The following AUH variants were observed in gnomAD, a reference collection of about 807,000 sequenced individuals.
AUH encodes methylglutaconyl-CoA hydratase, mitochondrial.
Under a neutral mutation model 42.3 loss-of-function variants are expected in AUH, and 29 were observed. The ratio of observed to expected loss-of-function variants is 0.69; its 90% CI spans 0.51 to 0.93. The LOEUF (loss-of-function observed/expected upper bound fraction) is 0.93. Among genes scored for constraint, AUH ranks in the 40% least tolerant of loss-of-function variants. AUH has a pLI of 0.00. For synonymous variants in AUH, 174 were observed against 166.4 expected, an observed-to-expected ratio of 1.05 and a Z score of -0.35; for missense variants, 452 against 438.1, an observed-to-expected ratio of 1.03 and a Z score of -0.28.
At chr9:91,352,482 T>C (rs10991897) in intron 3 of AUH, among the ~76,000 whole-genome samples, 10,693 of 152,120 alleles carry the variant, frequency 0.07, 664 homozygotes, top group East Asian at 0.26. Context: ...GTTCTCTCTG[T>C]ATACATTTTC....
intron 6 of AUH, among the ~76,000 whole-genome samples, chr9:91,249,184 C>G (rs12348996): frequency 6.7e-6 from 1 of 150,258 alleles, no homozygotes. Context: ...GTAGTCCCAG[C>G]TACTTGGGGG....
intron 6 of AUH, among the ~76,000 whole-genome samples, chr9:91,292,647 A>G (rs1271649375): frequency 6.6e-6 from 1 of 152,056 alleles, no homozygotes; most frequent in Non-Finnish European, 1.5e-5. Context: ...ACACACATTT[A>G]AATGCACGCA....
chr9:91,214,127 G>C lies in AUH; in HGVS notation c.*221C>G, dbSNP rs1826688974. ...TATATCTAACTTTGATTCTGTTTCT[G>C]ACTATACACTACTAGCTTTATAAAT... On this transcript the variant is annotated 3_prime_UTR_variant, in exon 10 of 10. Coordinates refer to ENST00000375731, the MANE Select transcript of AUH (RefSeq NM_001698.3). 2.0e-6 allele frequency: 1 copy of C among 497,952 alleles called. No individual in the cohort carries two copies. The highest frequency in any genetic ancestry group is 3.4e-5 in the Admixed American group (1 of 29,580). The allele number at this position is 497,952 out of a possible 1,614,324, so 30.8% of individuals were successfully genotyped here. A position where few individuals can be genotyped will look rare whatever the true frequency, so the allele number is the denominator to read the frequency against.
chr9:91,345,327 TA>T (rs1450821872), intron 3 of AUH, among the ~76,000 whole-genome samples: 1 of 151,986 alleles, frequency 6.6e-6, no homozygotes, highest in South Asian at 2.1e-4. Flanking sequence ...GTCCTAGAAG[TA>T]AAAAGTGCAT....
intron 3 of AUH, among the ~76,000 whole-genome samples, chr9:91,330,003 G>T (rs916036038): frequency 1.3e-5 from 2 of 152,038 alleles, no homozygotes; most frequent in African/African-American, 4.8e-5. Context: ...AGTGTGATAA[G>T]ACCAAAATAA....
In AUH at chr9:91,214,404, G is replaced by A. The variant is rs754656619; in HGVS notation, c.964C>T (p.Leu322Phe). 6.2e-7 allele frequency: 1 copy of A among 1,609,682 alleles called. No homozygotes were observed. The highest frequency in any genetic ancestry group is 1.7e-5 in the Admixed American group (1 of 59,764). ...YAQTIPTKDR[L>F]EGLLAFKEKR... ...TCTTTAAAAGCAAGAAGACCTTCAA[G>A]TCTGTCTTTTGTTGGAATGGTCTAA... is the stretch of plus-strand genomic sequence containing the variant. The change falls in exon 10 of 10, where the codon CTT becomes TTT. Residue 322 changes from leucine to phenylalanine, a missense_variant. Leu to Phe is a conservative substitution (Grantham distance 22). Transcript: ENST00000375731.
rs193091611 is a variant in AUH at position 91,269,247 on chromosome 9, G to T, written c.655+26774C>A. Among the ~76,000 whole-genome samples the T allele has an allele frequency of 4.3e-3, 657 of 152,024 alleles. 3 individuals carry two copies. Among genetic ancestry groups the T allele is most frequent in the Middle Eastern group, 0.014 (4 of 294 alleles). On this transcript the variant is annotated intron_variant, in intron 6 of 9. Transcript: ENST00000375731. Reference sequence around the variant, plus strand: ...GCCTGCCTCAGCCTCCCAAAGTGCTGGCATTATAGGCGTGAGCCACCACGC... The same window carrying T: ...GCCTGCCTCAGCCTCCCAAAGTGCTTGCATTATAGGCGTGAGCCACCACGC...
At chr9:91,325,427 A>T (rs749655192) in intron 3 of AUH, 23 bp from the exon 4 acceptor site, 83 of 1,603,016 alleles carry the variant, frequency 5.2e-5, no homozygotes, top group Non-Finnish European at 7.1e-5. Flanking sequence ...TTATTTACAA[A>T]TATAATCTAG....
intron 6 of AUH, among the ~76,000 whole-genome samples, chr9:91,250,706 C>G (rs1303997853): frequency 6.6e-6 from 1 of 152,186 alleles, no homozygotes; most frequent in African/African-American, 2.4e-5. Context: ...TGGAGTACAG[C>G]ACCCATCATT....
chr9:91,356,730 T>C (rs1340644716), intron 1 of AUH, among the ~76,000 whole-genome samples: 1 of 152,204 alleles, frequency 6.6e-6, no homozygotes, highest in Non-Finnish European at 1.5e-5. Context: ...GACCATCACC[T>C]AAACCCAGCC....
chr9:91,307,716 T>C (rs1483541501), intron 4 of AUH, among the ~76,000 whole-genome samples: 1 of 152,252 alleles, frequency 6.6e-6, no homozygotes, highest in Non-Finnish European at 1.5e-5. Context: ...AATATCTTAC[T>C]ATGCCTAATT....
chr9:91,314,967 A>G (rs1829035957), intron 4 of AUH, among the ~76,000 whole-genome samples: 1 of 152,204 alleles, frequency 6.6e-6, no homozygotes, highest in Non-Finnish European at 1.5e-5. Context: ...TCTGTCACCC[A>G]GACTGGAGTG....
chr9:91,341,144 C>T (rs1831070626), intron 3 of AUH, among the ~76,000 whole-genome samples: 1 of 152,184 alleles, frequency 6.6e-6, no homozygotes, highest in South Asian at 2.1e-4. Flanking sequence ...AGCTGAATTC[C>T]ACTCCCCTGG....
intron 6 of AUH, among the ~76,000 whole-genome samples, chr9:91,235,124 C>T (rs1473541950): frequency 6.6e-6 from 1 of 151,884 alleles, no homozygotes. Context: ...CACAAAGGCA[C>T]TGGAGGATTT....
chr9:91,296,200 A>T lies in AUH; in HGVS notation c.599-123T>A, dbSNP rs969268839. 1.1e-4 allele frequency: 99 copies of T among 910,914 alleles called. 3 individuals carry two copies. The highest frequency in any genetic ancestry group is 8.1e-4 in the Middle Eastern group (3 of 3,722). 56.4% of individuals were successfully genotyped at this position (910,914 alleles called of 1,614,324 possible). ...AATTAAATTGATATCACAAATTCTTAAAAAAAATCACTTAAAAGGCATTGT... is the reference window on the plus strand; with the variant it reads ...AATTAAATTGATATCACAAATTCTTTAAAAAAATCACTTAAAAGGCATTGT... On this transcript the variant is annotated intron_variant, in intron 5 of 9. Coordinates refer to ENST00000375731, the MANE Select transcript of AUH (RefSeq NM_001698.3).
chr9:91,270,429 G>T (rs1825022143), intron 6 of AUH, among the ~76,000 whole-genome samples: 1 of 152,172 alleles, frequency 6.6e-6, no homozygotes, highest in Admixed American at 6.5e-5. Context: ...ATAGAAACTG[G>T]GGTGTTCTCA....
chr9:91,267,305 C>T lies in AUH; in HGVS notation c.655+28716G>A, dbSNP rs967800407. ...TTACAGAGAAAGAAAAGATCAGAGACCCAAGTACCTTGCCATAATTAGCAG... is the reference window on the plus strand; with the variant it reads ...TTACAGAGAAAGAAAAGATCAGAGATCCAAGTACCTTGCCATAATTAGCAG... On this transcript the variant is annotated intron_variant, in intron 6 of 9. Transcript: ENST00000375731. Among the ~76,000 whole-genome samples, 5 of 152,266 alleles carry T rather than the reference C, an allele frequency of 3.3e-5. No individual in the cohort carries two copies. In the East Asian group the frequency reaches 7.7e-4, roughly 23 times the overall value.
intron 3 of AUH, among the ~76,000 whole-genome samples, chr9:91,354,305 C>T (rs566652249): frequency 1.3e-5 from 2 of 152,258 alleles, no homozygotes; most frequent in East Asian, 1.9e-4. Context: ...TGACAAAATA[C>T]AGTCACAAAT....
intron 6 of AUH, among the ~76,000 whole-genome samples, chr9:91,223,438 C>T (rs1037132472): frequency 3.9e-5 from 6 of 152,046 alleles, no homozygotes; most frequent in African/African-American, 7.3e-5. Context: ...TTCCATTGTA[C>T]GTATATACCA....
Sources: allele counts gnomAD v4.1 joint callset (sites outside exome capture counted in the v4.1 genomes callset), GRCh38; gene constraint gnomAD v4.1.1; transcripts MANE v1.5; gene names NCBI Gene and HGNC (gene_info 2026-07-23, HGNC 2026-07-21).